Variants in ACAD11 observed in about 807,000 individuals in gnomAD.
The protein encoded by ACAD11 is acyl-Coenzyme A dehydrogenase family, member 11.
ACAD11 carries 83 observed loss-of-function variants against 102.2 expected under a neutral mutation model. The observed-to-expected ratio is 0.81, with a 90% CI of 0.68 to 0.97. The LOEUF is 0.97. Ranked by LOEUF, ACAD11 falls within the 50% of genes least tolerant of loss-of-function variation. The probability of loss-of-function intolerance (pLI) is 0.00; values close to 1 mark genes in which losing one functional copy is unlikely to be tolerated. For missense variants in ACAD11, 901 were observed against 951.7 expected, an observed-to-expected ratio of 0.95 and a Z score of 0.70; for synonymous variants, 324 against 319.8, an observed-to-expected ratio of 1.01 and a Z score of -0.14.
chr3:132,561,608 C>T (rs1937059387), intron 17 of ACAD11, among the ~76,000 whole-genome samples: 1 of 152,182 alleles, frequency 6.6e-6, no homozygotes, highest in African/African-American at 2.4e-5. Flanking sequence ...AGTGAAGCTG[C>T]TTACAGGTAA....
intron 13 of ACAD11, among the ~76,000 whole-genome samples, chr3:132,596,276 G>C (rs1217746780): frequency 6.6e-6 from 1 of 152,108 alleles, no homozygotes; most frequent in Non-Finnish European, 1.5e-5. Context: ...CCTATCAAAG[G>C]GTAGAGGGTG....
At chr3:132,581,889 A>G (rs1000254722) in intron 13 of ACAD11, among the ~76,000 whole-genome samples, 1 of 152,028 alleles carries the variant, frequency 6.6e-6, no homozygotes, top group Non-Finnish European at 1.5e-5. Context: ...AGTGCTATGT[A>G]TTGGTTTTCA....
chr3:132,638,788 T>A (rs562404474), intron 5 of ACAD11, among the ~76,000 whole-genome samples: 1 of 152,310 alleles, frequency 6.6e-6, no homozygotes, highest in East Asian at 1.9e-4. Flanking sequence ...GGGTAGATAA[T>A]TAACAAGGTT....
At chr3:132,602,749 T>G (rs991454887) in intron 13 of ACAD11, among the ~76,000 whole-genome samples, 1 of 152,194 alleles carries the variant, frequency 6.6e-6, no homozygotes, top group Admixed American at 6.5e-5. Context: ...TTACTTTTTC[T>G]TTCAACCACT....
At chr3:132,615,930 C>A (rs1258257426) in intron 11 of ACAD11, among the ~76,000 whole-genome samples, 2 of 152,078 alleles carry the variant, frequency 1.3e-5, no homozygotes, top group African/African-American at 2.4e-5. Context: ...GGAAAAAGGG[C>A]AAACTGGAAG....
intron 13 of ACAD11, among the ~76,000 whole-genome samples, chr3:132,594,762 T>C (rs182140124): frequency 3.3e-5 from 5 of 152,278 alleles, no homozygotes; most frequent in African/African-American, 7.2e-5. Context: ...GGAATAATAG[T>C]ACTTGCAAAT....
At chr3:132,627,623 A>G (rs1053411862) in intron 8 of ACAD11, among the ~76,000 whole-genome samples, 50 of 152,214 alleles carry the variant, frequency 3.3e-4, no homozygotes, top group African/African-American at 1.1e-3. Context: ...ATACATACCT[A>G]TGTAACAAAC....
At chr3:132,628,998 A>T (rs1417309545) in intron 7 of ACAD11, among the ~76,000 whole-genome samples, 1 of 152,188 alleles carries the variant, frequency 6.6e-6, no homozygotes, top group African/African-American at 2.4e-5. Flanking sequence ...AAAAACAAAC[A>T]TCACTGTGTC....
At chr3:132,587,465 TA>T (rs1262496798) in intron 13 of ACAD11, among the ~76,000 whole-genome samples, 1 of 152,214 alleles carries the variant, frequency 6.6e-6, no homozygotes, top group East Asian at 1.9e-4. Flanking sequence ...CCTACCTGGT[TA>T]TTTTTTATGT....
intron 1 of ACAD11, chr3:132,648,449 C>T (rs967533009): frequency 3.9e-5 from 6 of 151,948 alleles, no homozygotes; most frequent in African/African-American, 1.2e-4. Context: ...GTTAACAAGT[C>T]TCAGACTCAT....
chr3:132,608,472 A>C (rs988139003), intron 11 of ACAD11, among the ~76,000 whole-genome samples: 1 of 152,164 alleles, frequency 6.6e-6, no homozygotes, highest in Non-Finnish European at 1.5e-5. Context: ...CAAACAAACA[A>C]AAAAGCAGGG....
At position 132,653,841 on chromosome 3, in the gene ACAD11, C is replaced by T. The variant is rs1937639274; in HGVS notation, c.149+5762G>A. 2.0e-5 allele frequency among the ~76,000 whole-genome samples: 3 copies of T among 152,188 alleles called. No homozygotes were observed. The South Asian group carries it at 6.2e-4, about 31-fold the overall frequency. ...AATATTGGGGTGCCTTGGACTCAGT[C>T]TCCAAACCTCCTTTTTATGTGAACT... On this transcript the variant is annotated intron_variant, in intron 1 of 19. Coordinates refer to ENST00000264990, the MANE Select transcript of ACAD11 (RefSeq NM_032169.5).
chr3:132,603,518 A>C (rs1296220135), intron 12 of ACAD11, among the ~76,000 whole-genome samples, 191 bp from the exon 13 acceptor site: 2 of 152,224 alleles, frequency 1.3e-5, no homozygotes, highest in Non-Finnish European at 2.9e-5. Flanking sequence ...TGAGTGAATG[A>C]ATGAAGTATA....
intron 8 of ACAD11, among the ~76,000 whole-genome samples, chr3:132,627,909 T>G (rs547437943): frequency 4.8e-4 from 73 of 152,332 alleles, no homozygotes; most frequent in African/African-American, 1.7e-3. Context: ...GAAAAAGTGC[T>G]CTGCTGATGA....
At chr3:132,572,998 G>A (rs1369223892) in intron 17 of ACAD11, among the ~76,000 whole-genome samples, 1 of 152,002 alleles carries the variant, frequency 6.6e-6, no homozygotes, top group Non-Finnish European at 1.5e-5. Flanking sequence ...GTGCCATGGT[G>A]GTTTGCTACA....
At chr3:132,618,008 A>G (rs765005933) in intron 11 of ACAD11, among the ~76,000 whole-genome samples, 11 of 152,162 alleles carry the variant, frequency 7.2e-5, no homozygotes, top group Non-Finnish European at 1.6e-4. Context: ...TAAAAATGTA[A>G]CCCATATTCC....
chr3:132,575,988 T>C (rs1009945997), intron 16 of ACAD11, 62 bp from the exon 17 acceptor site: 2 of 1,574,784 alleles, frequency 1.3e-6, no homozygotes, highest in Admixed American at 1.7e-5. Flanking sequence ...CCTTTTGTTA[T>C]TTATACAAAT....
intron 5 of ACAD11, among the ~76,000 whole-genome samples, chr3:132,633,716 C>G (rs181104383): frequency 4.0e-4 from 61 of 152,186 alleles, no homozygotes; most frequent in Non-Finnish European, 8.4e-4. Flanking sequence ...GAGTAATAGA[C>G]CAATGGAACA....
chr3:132,612,788 CT>C (rs1195456563), intron 11 of ACAD11, among the ~76,000 whole-genome samples: 1 of 151,982 alleles, frequency 6.6e-6, no homozygotes, highest in Admixed American at 6.6e-5. Context: ...GGACTGTAAA[CT>C]AGTTCAACCA....
Sources: gnomAD v4.1 joint callset for allele counts (sites outside exome capture counted in the v4.1 genomes callset) on GRCh38, gnomAD v4.1.1 for gene constraint, MANE v1.5 for transcripts, NCBI Gene and HGNC (gene_info 2026-07-23, HGNC 2026-07-21) for gene names.